ACSS3: variants seen among roughly 807,000 people sequenced by gnomAD.
The protein encoded by ACSS3 is acyl-CoA synthetase short chain family member 3.
In ACSS3, 64 loss-of-function variants were observed where a neutral mutation model predicts 84.2. The ratio of observed to expected loss-of-function variants is 0.76; its 90% confidence interval spans 0.62 to 0.94. The LOEUF is 0.94. Ranked by LOEUF, ACSS3 falls within the 40% of genes least tolerant of loss-of-function variation. ACSS3 has a pLI of 0.00. For missense variants in ACSS3, 815 were observed against 867.6 expected (o/e 0.94, Z 0.76); for synonymous variants, 317 against 310.1 (o/e 1.02, Z -0.23).
At chr12:81,246,883 T>G (rs2034000400) in intron 13 of ACSS3, among the ~76,000 whole-genome samples, 4 of 152,176 alleles carry the variant, frequency 2.6e-5, no homozygotes, top group Admixed American at 2.6e-4. Context: ...CAGACTCCTG[T>G]GACATGAGTT....
chr12:81,199,340 G>A lies in ACSS3; in HGVS notation c.1251-1G>A. The stretch of plus-strand genomic sequence containing the variant: ...ATTTGAATTCACTGTCTCATATTCA[G>A]GTTCAAAACATTATTTGTGGCTGGA... On this transcript the variant is annotated splice_acceptor_variant, in intron 8 of 15. Coordinates refer to ENST00000548058, the MANE Select transcript of ACSS3 (RefSeq NM_024560.4). LOFTEE classifies it high-confidence loss of function. The A allele has an allele frequency of 6.2e-7, 1 of 1,609,430 alleles. No homozygotes were observed. Among genetic ancestry groups the A allele is most frequent in the Non-Finnish European group, 8.5e-7 (1 of 1,178,254 alleles).
chr12:81,078,973 G>C (rs1455768759), intron 1 of ACSS3, among the ~76,000 whole-genome samples: 1 of 152,178 alleles, frequency 6.6e-6, no homozygotes, highest in African/African-American at 2.4e-5. Flanking sequence ...GACAGTGACT[G>C]CCAATGATTG....
chr12:81,186,729 A>T (rs1325549470), intron 8 of ACSS3, among the ~76,000 whole-genome samples: 1 of 151,856 alleles, frequency 6.6e-6, no homozygotes, highest in Admixed American at 6.6e-5. Flanking sequence ...AAATGTGTAG[A>T]GTAAAGGAAA....
chr12:81,109,465 G>A (rs1883382877), intron 1 of ACSS3, 95 bp from the exon 2 acceptor site: 1 of 1,409,926 alleles, frequency 7.1e-7, no homozygotes, highest in African/African-American at 1.4e-5. Context: ...ATTGTTTTAA[G>A]GCCAGCTCTA....
chr12:81,194,397 G>C (rs2031727611), intron 8 of ACSS3, among the ~76,000 whole-genome samples: 1 of 151,774 alleles, frequency 6.6e-6, no homozygotes, highest in African/African-American at 2.4e-5. Context: ...CTTTTTGATA[G>C]TTTGAGGAAT....
rs1293779911 is a variant in ACSS3, at chr12:81,257,403, T to A, written c.*2481T>A. On this transcript the variant is annotated 3_prime_UTR_variant, in exon 16 of 16. Transcript: ENST00000548058. ...ACCATAAATCACTTTTGCTAGATAG[T>A]ACTTTAAAGATTCTGAATTAAATGT... is the stretch of plus-strand genomic sequence containing the variant. The A allele has an allele frequency of 6.6e-6, 1 of 152,168 alleles. No individual in the cohort carries two copies. Among genetic ancestry groups the A allele is most frequent in the African/African-American group, 2.4e-5 (1 of 41,444 alleles). The allele number at this position is 152,168 out of a possible 1,614,324, so 9.4% of individuals were successfully genotyped here.
rs991953948 is a variant in ACSS3, at chr12:81,174,256, A to T, written c.1099-532A>T. Among the ~76,000 whole-genome samples the T allele has an allele frequency of 2.6e-5, 4 of 152,206 alleles. No individual in the cohort carries two copies. The East Asian group carries it at 7.7e-4, about 29-fold the overall frequency. ...ATGTTATTTTGAGTCTGTGGAAAACATGCACTTTGGCACATCTTATTGGAT... is the reference window on the plus strand; with the variant it reads ...ATGTTATTTTGAGTCTGTGGAAAACTTGCACTTTGGCACATCTTATTGGAT... On this transcript the variant is annotated intron_variant, in intron 7 of 15. Coordinates refer to ENST00000548058, the MANE Select transcript of ACSS3 (RefSeq NM_024560.4).
At chr12:81,221,727 G>A (rs540381318) in intron 11 of ACSS3, among the ~76,000 whole-genome samples, 4 of 152,212 alleles carry the variant, frequency 2.6e-5, no homozygotes, top group Non-Finnish European at 4.4e-5. Context: ...CTGTTCAAGG[G>A]AAAAGCAGCA....
chr12:81,095,701 A>G (rs1220142307), intron 1 of ACSS3, among the ~76,000 whole-genome samples: 2 of 152,104 alleles, frequency 1.3e-5, no homozygotes, highest in African/African-American at 4.8e-5. Flanking sequence ...TGCATTTCTC[A>G]CCACTGGCAA....
At chr12:81,219,848 AT>A (rs938457971) in intron 10 of ACSS3, among the ~76,000 whole-genome samples, 164 bp from the exon 11 acceptor site, 4 of 151,948 alleles carry the variant, frequency 2.6e-5, no homozygotes, top group Non-Finnish European at 5.9e-5. Context: ...TGTGCTCTTT[AT>A]TTTTTTGTAA....
chr12:81,155,385 A>C (rs1195375212), intron 7 of ACSS3, among the ~76,000 whole-genome samples: 1 of 152,140 alleles, frequency 6.6e-6, no homozygotes, highest in East Asian at 1.9e-4. Context: ...CCCTTTTTAT[A>C]TCTGCCTTTC....
chr12:81,153,557 A>G, intron 7 of ACSS3, among the ~76,000 whole-genome samples: 1 of 152,204 alleles, frequency 6.6e-6, no homozygotes, highest in East Asian at 1.9e-4. Flanking sequence ...AGAGGGTTAT[A>G]TTTTGGGAAT....
At chr12:81,128,648 T>C (rs950995887) in intron 2 of ACSS3, among the ~76,000 whole-genome samples, 6 of 152,210 alleles carry the variant, frequency 3.9e-5, no homozygotes, top group Non-Finnish European at 7.3e-5. Flanking sequence ...TAACTTTTCT[T>C]CAGTTGAAAA....
chr12:81,259,426 TAC>T lies in ACSS3; in HGVS notation c.*4506_*4507del, dbSNP rs989688586. ...CTTCATTTCATAAAAGCATCTGTTGTACAGAGTTTATGATGTAGATGATGTTT... is the reference window on the plus strand; with the variant it reads ...CTTCATTTCATAAAAGCATCTGTTGTAGAGTTTATGATGTAGATGATGTTT... On this transcript the variant is annotated 3_prime_UTR_variant, in exon 16 of 16. Transcript: ENST00000548058. The T allele has an allele frequency of 1.5e-6, 1 of 662,666 alleles. No homozygotes were observed. The highest frequency in any genetic ancestry group is 1.8e-5 in the African/African-American group (1 of 55,372). 41.0% of individuals were successfully genotyped at this position (662,666 alleles called of 1,614,324 possible).
In ACSS3 at chr12:81,256,471, A is replaced by G. The variant is rs189266425; in HGVS notation, c.*1549A>G. The G allele has an allele frequency of 6.6e-6, 1 of 152,204 alleles. No homozygotes were observed. Among genetic ancestry groups the G allele is most frequent in the Non-Finnish European group, 1.5e-5 (1 of 68,026 alleles). 9.4% of individuals were successfully genotyped at this position (152,204 alleles called of 1,614,324 possible). A position where few individuals can be genotyped will look rare whatever the true frequency, so the allele number is the denominator to read the frequency against. On this transcript the variant is annotated 3_prime_UTR_variant, in exon 16 of 16. Coordinates refer to ENST00000548058, the MANE Select transcript of ACSS3 (RefSeq NM_024560.4). ...ATATTTGATTTACTTAGGGATCTAT[A>G]TGACATCAGTTATCAAAGAATACAT...
In ACSS3 at chr12:81,228,718, C is replaced by T. The variant is rs1313281819; in HGVS notation, c.1515-2339C>T. 2.0e-5 allele frequency among the ~76,000 whole-genome samples: 3 copies of T among 151,708 alleles called. No homozygotes were observed. The East Asian group carries it at 5.8e-4, about 30-fold the overall frequency. On this transcript the variant is annotated intron_variant, in intron 11 of 15. Transcript: ENST00000548058. ...CAGTCCTCTTGGTCCTATCTATACA[C>T]TCTGGATTAGGTACATACTAGGCTA...
chr12:81,163,818 A>G (rs1363761112), intron 7 of ACSS3, among the ~76,000 whole-genome samples: 1 of 152,228 alleles, frequency 6.6e-6, no homozygotes, highest in Admixed American at 6.5e-5. Flanking sequence ...TTATAGAATG[A>G]ACATGTAAAC....
rs1464983095 is a variant in ACSS3 at position 81,188,346 on chromosome 12, AT to A, written c.1251-10994del. On this transcript the variant is annotated intron_variant, in intron 8 of 15. Transcript: ENST00000548058. ...GAAGTAATTTAATAGGGAACTATGC[AT>A]ACATTTATATTTTAACTTTTATTGA... is the stretch of plus-strand genomic sequence containing the variant. 7.2e-5 allele frequency among the ~76,000 whole-genome samples: 11 copies of A among 152,188 alleles called. No homozygotes were observed. In the South Asian group the frequency reaches 2.1e-3, roughly 29 times the overall value.
chr12:81,254,933 T>C lies in ACSS3; in HGVS notation c.*11T>C. On this transcript the variant is annotated 3_prime_UTR_variant, in exon 16 of 16. Transcript: ENST00000548058. ...CTGAAGCAAGCATAATGAGTTTGTC[T>C]TATTCCTATTTTGAGTTGATTTAAT... The C allele has an allele frequency of 1.3e-6, 2 of 1,565,950 alleles. No homozygotes were observed. The highest frequency in any genetic ancestry group is 1.7e-6 in the Non-Finnish European group (2 of 1,154,144).
Sources: allele counts gnomAD v4.1 joint callset (sites outside exome capture counted in the v4.1 genomes callset), GRCh38; gene constraint gnomAD v4.1.1; transcripts MANE v1.5; gene names NCBI Gene and HGNC (gene_info 2026-07-23, HGNC 2026-07-21).